The following WDFY4 variants were observed in gnomAD, a reference collection of about 807,000 sequenced individuals.
The protein encoded by WDFY4 is WDFY family member 4.
WDFY4 carries 169 observed loss-of-function variants against 351.9 expected under a neutral mutation model. The observed-to-expected ratio is 0.48, with a 90% CI of 0.42 to 0.55. The LOEUF (loss-of-function observed/expected upper bound fraction) is 0.55. Among genes scored for constraint, WDFY4 ranks in the 20% least tolerant of loss-of-function variants. WDFY4 has a pLI of 0.00. For synonymous variants in WDFY4, 1,622 were observed against 1,574.6 expected (o/e 1.03, Z -0.71); for missense variants, 3,803 against 3,935.6 (o/e 0.97, Z 0.90).
At chr10:48,755,281 C>T (rs1422168984) in intron 12 of WDFY4, among the ~76,000 whole-genome samples, 1 of 152,078 alleles carries the variant, frequency 6.6e-6, no homozygotes, top group East Asian at 1.9e-4. Context: ...AGTAGTTTTC[C>T]ATTGTAGGGA....
chr10:48,754,483 A>T (rs1171752291), intron 12 of WDFY4, among the ~76,000 whole-genome samples: 1 of 151,896 alleles, frequency 6.6e-6, no homozygotes, highest in Non-Finnish European at 1.5e-5. Context: ...ACAAGCACTT[A>T]TCAATCAAAA....
At chr10:48,791,574 C>T (rs990400920) in intron 23 of WDFY4, among the ~76,000 whole-genome samples, 5 of 152,176 alleles carry the variant, frequency 3.3e-5, no homozygotes, top group Admixed American at 2.6e-4. Flanking sequence ...GGACCTGCTT[C>T]GCATGTGTTT....
chr10:48,923,315 G>A (rs1839262656), intron 47 of WDFY4, among the ~76,000 whole-genome samples: 1 of 151,866 alleles, frequency 6.6e-6, no homozygotes, highest in Non-Finnish European at 1.5e-5. Flanking sequence ...CAGAAAAACT[G>A]TCTACTGTGC....
At chr10:48,816,615 A>C (rs777922896) in intron 31 of WDFY4, among the ~76,000 whole-genome samples, 4 of 152,242 alleles carry the variant, frequency 2.6e-5, no homozygotes, top group African/African-American at 7.2e-5. Context: ...TATGGAGCAT[A>C]AGGAATCTGT....
intron 56 of WDFY4, among the ~76,000 whole-genome samples, chr10:48,969,849 C>T (rs1460874634): frequency 6.6e-6 from 1 of 152,168 alleles, no homozygotes; most frequent in Non-Finnish European, 1.5e-5. Context: ...AACTCAGCCC[C>T]ACATGTCCTC....
At chr10:48,859,414 GT>G (rs1182272353) in intron 39 of WDFY4, among the ~76,000 whole-genome samples, 1 of 152,094 alleles carries the variant, frequency 6.6e-6, no homozygotes, top group Non-Finnish European at 1.5e-5. Context: ...TTTGCTGAGA[GT>G]TTTATCATAA....
intron 39 of WDFY4, among the ~76,000 whole-genome samples, chr10:48,844,393 A>G (rs1374935855): frequency 6.6e-6 from 1 of 152,054 alleles, no homozygotes; most frequent in Non-Finnish European, 1.5e-5. Flanking sequence ...GGAGTTTGAG[A>G]CCGGCCTGGC....
At chr10:48,753,591 A>G (rs918633694) in intron 12 of WDFY4, among the ~76,000 whole-genome samples, 2 of 152,144 alleles carry the variant, frequency 1.3e-5, no homozygotes, top group Non-Finnish European at 2.9e-5. Flanking sequence ...TAGCTATTCA[A>G]CTGCTCTGGT....
chr10:48,785,255 T>C (rs998445376), intron 19 of WDFY4, among the ~76,000 whole-genome samples: 1 of 152,170 alleles, frequency 6.6e-6, no homozygotes, highest in Admixed American at 6.6e-5. Flanking sequence ...TAGACACTAG[T>C]CCTTTGTTAG....
rs144480674 is a variant in WDFY4 at position 48,867,227 on chromosome 10, C to G, written c.6664-38C>G. ...AAAATAAAATAAAATAAAATCACAA[C>G]TATCATTAAGCTGTGACTTGTTTTC... On this transcript the variant is annotated intron_variant, in intron 39 of 61. Coordinates refer to ENST00000325239, the MANE Select transcript of WDFY4 (RefSeq NM_001394531.1). 56 of 725,124 alleles carry G rather than the reference C, an allele frequency of 7.7e-5. No homozygotes were observed. The East Asian group carries it at 2.5e-3, about 33-fold the overall frequency. The allele number at this position is 725,124 out of a possible 1,614,324, so 44.9% of individuals were successfully genotyped here. A position where few individuals can be genotyped will look rare whatever the true frequency, so the allele number is the denominator to read the frequency against.
chr10:48,765,914 G>A (rs1199094589), intron 13 of WDFY4, among the ~76,000 whole-genome samples: 1 of 152,216 alleles, frequency 6.6e-6, no homozygotes, highest in Non-Finnish European at 1.5e-5. Flanking sequence ...AGAAGATTGG[G>A]TTCAGGGCTG....
At chr10:48,710,390 A>G (rs2063738671) in intron 2 of WDFY4, among the ~76,000 whole-genome samples, 1 of 152,208 alleles carries the variant, frequency 6.6e-6, no homozygotes, top group South Asian at 2.1e-4. Context: ...TACCTTAGAG[A>G]TTAAAATGTC....
At chr10:48,955,736 G>A (rs1218215877) in intron 51 of WDFY4, among the ~76,000 whole-genome samples, 2 of 152,180 alleles carry the variant, frequency 1.3e-5, no homozygotes, top group African/African-American at 4.8e-5. Flanking sequence ...CCAAGAGAAG[G>A]CCCCTGCCCT....
chr10:48,918,960 A>T (rs181914435), intron 47 of WDFY4, among the ~76,000 whole-genome samples: 124 of 152,350 alleles, frequency 8.1e-4, no homozygotes, highest in African/African-American at 2.9e-3. Flanking sequence ...ACTCACTATT[A>T]CCACTGACCA....
intron 14 of WDFY4, among the ~76,000 whole-genome samples, chr10:48,775,269 C>G (rs2065993756): frequency 6.6e-6 from 1 of 152,120 alleles, no homozygotes; most frequent in Non-Finnish European, 1.5e-5. Context: ...CCTATGCCAC[C>G]TGGAGTGCTG....
At chr10:48,851,764 C>A (rs1265145776) in intron 39 of WDFY4, among the ~76,000 whole-genome samples, 1 of 152,234 alleles carries the variant, frequency 6.6e-6, no homozygotes, top group Non-Finnish European at 1.5e-5. Flanking sequence ...GCTGGCCAGC[C>A]CTAGGGTGCC....
intron 39 of WDFY4, among the ~76,000 whole-genome samples, chr10:48,864,398 T>C (rs1203903690): frequency 6.6e-6 from 1 of 152,206 alleles, no homozygotes; most frequent in East Asian, 1.9e-4. Flanking sequence ...TATAGACAAA[T>C]TGTTTTATTT....
Position 48,790,928 on chromosome 10 carries a change from C to T in WDFY4, c.4257+11C>T. 1 of 1,551,394 alleles carries T rather than the reference C, an allele frequency of 6.4e-7. No homozygotes were observed. Among genetic ancestry groups the T allele is most frequent in the Admixed American group, 2.0e-5 (1 of 51,004 alleles). On this transcript the variant is annotated intron_variant, in intron 23 of 61. Transcript: ENST00000325239. ...ATCTGTGGGTACCAGGTAATCCCAT[C>T]CTCCCACCTGGAACTGAGACTCCTG...
chr10:48,817,599 A>T (rs550835207), intron 32 of WDFY4, among the ~76,000 whole-genome samples, 190 bp downstream of exon 32: 8 of 152,380 alleles, frequency 5.3e-5, no homozygotes, highest in African/African-American at 1.9e-4. Flanking sequence ...GGTCATTTTC[A>T]GCTCTGAGAT....
Sources: allele counts gnomAD v4.1 joint callset (sites outside exome capture counted in the v4.1 genomes callset), GRCh38; gene constraint gnomAD v4.1.1; transcripts MANE v1.5; gene names NCBI Gene and HGNC (gene_info 2026-07-23, HGNC 2026-07-21).